Variants in NBEAL1 observed in about 807,000 individuals in gnomAD.
NBEAL1 encodes the protein neurobeachin like 1.
In NBEAL1, 273 loss-of-function variants were observed where a neutral mutation model predicts 351.3. The observed-to-expected ratio is 0.78, with a 90% CI of 0.70 to 0.86. The LOEUF (loss-of-function observed/expected upper bound fraction) is 0.86, where lower values mean the gene tolerates loss of function less well. Ranked by LOEUF, NBEAL1 falls within the 40% of genes least tolerant of loss-of-function variation. The probability of loss-of-function intolerance (pLI) is 0.00; values close to 1 mark genes in which losing one functional copy is unlikely to be tolerated. For synonymous variants in NBEAL1, 1,050 were observed against 1,086.4 expected (o/e 0.97, Z 0.66); for missense variants, 2,961 against 3,201.3 (o/e 0.92, Z 1.81).
chr2:203,157,667 T>C, intron 35 of NBEAL1, 32 bp from the exon 36 acceptor site: 1 of 1,510,094 alleles, frequency 6.6e-7, no homozygotes, highest in Non-Finnish European at 8.8e-7. Context: ...TTTTTTACTT[T>C]ATGTTTAATA....
intron 8 of NBEAL1, among the ~76,000 whole-genome samples, chr2:203,082,965 C>G (rs1212960385): frequency 1.3e-5 from 2 of 152,176 alleles, no homozygotes; most frequent in Non-Finnish European, 2.9e-5. Context: ...AGTCTACTAC[C>G]ATATATCCTT....
intron 15 of NBEAL1, among the ~76,000 whole-genome samples, chr2:203,110,906 C>T (rs940042023): frequency 7.9e-5 from 12 of 151,006 alleles, no homozygotes; most frequent in Non-Finnish European, 1.3e-4. Context: ...GCTGGGACTA[C>T]AGGCACGTGC....
At chr2:203,099,511 A>T in intron 11 of NBEAL1, 118 bp from the exon 12 acceptor site, 1 of 591,982 alleles carries the variant, frequency 1.7e-6, no homozygotes. Context: ...TCATCAGAAG[A>T]GGAATGTAAT....
At position 203,180,396 on chromosome 2, in the gene NBEAL1, A is replaced by G. The variant is rs374210844; in HGVS notation, c.6479A>G (p.Asp2160Gly). Residue 2160 changes from aspartate (D) to glycine (G), a missense_variant, in exon 43 of 56, where the codon GAT becomes GGT. Physicochemically the swap from Asp to Gly is moderately conservative, Grantham distance 94. Coordinates refer to ENST00000683969, the MANE Select transcript of NBEAL1 (RefSeq NM_001378026.1). The stretch of plus-strand genomic sequence containing the variant: ...TCTACATGCAGGTTTGACTGTGCAG[A>G]TCGACAGTTCCATTCTATTCCTGCT... ...QLQSGRFDCA[D>G]RQFHSIPATW... 1.9e-6 allele frequency: 3 copies of G among 1,610,754 alleles called. No individual in the cohort carries two copies. Among genetic ancestry groups the G allele is most frequent in the South Asian group, 1.1e-5 (1 of 90,086 alleles).
At chr2:203,159,265 G>GT (rs945040783) in intron 36 of NBEAL1, among the ~76,000 whole-genome samples, 8 of 152,116 alleles carry the variant, frequency 5.3e-5, no homozygotes, top group South Asian at 2.1e-4. Flanking sequence ...ATACAGTGGG[G>GT]TTTTTTTAAT....
chr2:203,093,405 A>G (rs2062109751), intron 10 of NBEAL1, among the ~76,000 whole-genome samples: 1 of 152,222 alleles, frequency 6.6e-6, no homozygotes, highest in Non-Finnish European at 1.5e-5. Context: ...TGTTTGTCAT[A>G]GCTATCATGA....
chr2:203,207,770 C>T (rs1296933798), intron 51 of NBEAL1, among the ~76,000 whole-genome samples: 1 of 152,196 alleles, frequency 6.6e-6, no homozygotes, highest in Non-Finnish European at 1.5e-5. Context: ...GGGACACAAA[C>T]ACTGCGGAAG....
At chr2:203,046,552 C>T (rs1188296953) in intron 3 of NBEAL1, among the ~76,000 whole-genome samples, 1 of 152,102 alleles carries the variant, frequency 6.6e-6, no homozygotes, top group East Asian at 1.9e-4. Flanking sequence ...GTTCACCGTT[C>T]TGGAAGCTGG....
In NBEAL1 at chr2:203,144,784, A is replaced by G. The variant is rs775951159; in HGVS notation, c.5033A>G (p.Glu1678Gly). Residue 1678 changes from glutamate (E) to glycine (G), a missense_variant, in exon 32 of 56, where the codon GAG (glutamate) becomes GGG (glycine). Transcript: ENST00000683969. ...CGTACCCTGGTTTCCAAAATTTATG[A>G]GCTTCTCTTCATGAACTTGCACCTA... is the stretch of plus-strand genomic sequence containing the variant. ...LVRTLVSKIY[E>G]LLFMNLHLPS... is the part of the protein sequence containing the mutation. The G allele has an allele frequency of 1.1e-5, 18 of 1,614,030 alleles. No individual in the cohort carries two copies. Among genetic ancestry groups the G allele is most frequent in the Admixed American group, 1.0e-4 (6 of 60,008 alleles).
At chr2:203,216,792 T>G (rs964798715) in intron 55 of NBEAL1, among the ~76,000 whole-genome samples, 2 of 152,096 alleles carry the variant, frequency 1.3e-5, no homozygotes, top group African/African-American at 2.4e-5. Context: ...TTATTGTTAT[T>G]ATTATGTGTG....
At chr2:203,086,746 G>T (rs970284801) in intron 10 of NBEAL1, among the ~76,000 whole-genome samples, 12 of 152,168 alleles carry the variant, frequency 7.9e-5, no homozygotes, top group Non-Finnish European at 1.6e-4. Flanking sequence ...TGTTGGCCAG[G>T]TTGGTCTTGA....
chr2:203,050,677 T>C (rs1299311208), intron 4 of NBEAL1, among the ~76,000 whole-genome samples: 2 of 152,232 alleles, frequency 1.3e-5, no homozygotes, highest in South Asian at 2.1e-4. Flanking sequence ...AGGTCTGTGG[T>C]GCTTACATTT....
chr2:203,105,612 G>C (rs1272747902), intron 12 of NBEAL1, among the ~76,000 whole-genome samples: 2 of 152,164 alleles, frequency 1.3e-5, no homozygotes, highest in East Asian at 3.8e-4. Context: ...AAATTCTGAA[G>C]TGATGTATGA....
chr2:203,021,892 A>G (rs1413829163), intron 2 of NBEAL1, among the ~76,000 whole-genome samples: 1 of 151,894 alleles, frequency 6.6e-6, no homozygotes, highest in Non-Finnish European at 1.5e-5. Context: ...TACTAAAAAT[A>G]CAAAAAAAAT....
intron 36 of NBEAL1, among the ~76,000 whole-genome samples, chr2:203,163,466 T>G (rs1260020784): frequency 6.6e-6 from 1 of 152,120 alleles, no homozygotes; most frequent in African/African-American, 2.4e-5. Context: ...ACTGTAGAAT[T>G]TTATGAATCT....
chr2:203,180,816 T>C (rs2043446), intron 43 of NBEAL1: 172,088 of 190,840 alleles, frequency 0.9, 78,742 homozygotes, highest in Non-Finnish European at 0.96. Flanking sequence ...TTAAAAGTGT[T>C]TGAGTTAGAT....
At chr2:203,166,774 C>T (rs573318054) in intron 37 of NBEAL1, among the ~76,000 whole-genome samples, 30 of 151,634 alleles carry the variant, frequency 2.0e-4, no homozygotes, top group Non-Finnish European at 2.7e-4. Context: ...AGGCTGGTCT[C>T]GAACTCCCAA....
At chr2:203,209,414 ACAC>A (rs1289393882) in intron 53 of NBEAL1, 92 bp downstream of exon 53, 1 of 945,290 alleles carries the variant, frequency 1.1e-6, no homozygotes, top group East Asian at 2.5e-5. Context: ...GAAGGAAAGA[ACAC>A]CATATTTTAA....
intron 8 of NBEAL1, among the ~76,000 whole-genome samples, chr2:203,081,582 A>C (rs896568473): frequency 3.3e-5 from 5 of 152,246 alleles, no homozygotes; most frequent in Non-Finnish European, 5.9e-5. Context: ...AGCTTAAGTT[A>C]CTTTTCTAAT....
Sources: gnomAD v4.1 joint callset for allele counts (sites outside exome capture counted in the v4.1 genomes callset) on GRCh38, gnomAD v4.1.1 for gene constraint, MANE v1.5 for transcripts, NCBI Gene and HGNC (gene_info 2026-07-23, HGNC 2026-07-21) for gene names.